The following TTC39B variants were observed in gnomAD, a reference collection of about 807,000 sequenced individuals.
The protein encoded by TTC39B is tetratricopeptide repeat domain 39B.
Under a neutral mutation model 96.6 loss-of-function variants are expected in TTC39B, and 92 were observed. That is an observed-to-expected ratio of 0.95 (90% CI 0.80 to 1.13). TTC39B has a LOEUF of 1.13. Ranked by LOEUF, TTC39B falls within the 50% of genes most tolerant of loss-of-function variation. The pLI, the probability that TTC39B is intolerant of heterozygous loss-of-function variation, is 0.00. For missense variants in TTC39B, 955 were observed against 809.3 expected (o/e 1.18, Z -2.18); for synonymous variants, 367 against 299.4 (o/e 1.23, Z -2.33).
At chr9:15,231,016 T>C (rs544310292) in intron 2 of TTC39B, among the ~76,000 whole-genome samples, 29 of 151,956 alleles carry the variant, frequency 1.9e-4, no homozygotes, top group Admixed American at 6.5e-5. Context: ...AGTTATTGTG[T>C]GGACATGTAT....
At chr9:15,174,475 T>C (rs1588834272) in intron 19 of TTC39B, among the ~76,000 whole-genome samples, 1 of 152,168 alleles carries the variant, frequency 6.6e-6, no homozygotes, top group East Asian at 1.9e-4. Context: ...AAAAATACTT[T>C]GAAACTGCCG....
intron 1 of TTC39B, among the ~76,000 whole-genome samples, chr9:15,279,796 T>C (rs1029940272): frequency 3.9e-5 from 6 of 152,024 alleles, no homozygotes; most frequent in African/African-American, 1.4e-4. Flanking sequence ...CCCAAATAGA[T>C]CAGTCTATTA....
chr9:15,166,457 G>A (rs1479969377), exon 20 of TTC39B: 4 of 152,176 alleles, frequency 2.6e-5, no homozygotes, highest in Admixed American at 1.3e-4. Context: ...AACAGTCCTT[G>A]CATCATTTCT....
At chr9:15,214,332 GTGTGTGTGTGTGTGTC>G (rs1283370933) in intron 3 of TTC39B, 83 bp from the exon 4 acceptor site, 43 of 844,248 alleles carry the variant, frequency 5.1e-5, no homozygotes, top group Middle Eastern at 2.3e-4. Flanking sequence ...GTGTGTGTGT[GTGTGTGTGTGTGTGTC>G]TGTGTGTGTG....
chr9:15,259,327 CTTGAAG>C (rs1255622074), intron 2 of TTC39B, among the ~76,000 whole-genome samples: 1 of 152,158 alleles, frequency 6.6e-6, no homozygotes, highest in African/African-American at 2.4e-5. Flanking sequence ...AAATAACCTG[CTTGAAG>C]TTGTTGGGGG....
intron 18 of TTC39B, among the ~76,000 whole-genome samples, chr9:15,175,675 C>G (rs566698861): frequency 9.1e-4 from 138 of 152,142 alleles, no homozygotes; most frequent in African/African-American, 3.1e-3. Context: ...CTTAGCTCAC[C>G]AGAACATAAG....
At chr9:15,278,582 C>G (rs1248693703) in intron 1 of TTC39B, among the ~76,000 whole-genome samples, 1 of 152,140 alleles carries the variant, frequency 6.6e-6, no homozygotes, top group Non-Finnish European at 1.5e-5. Flanking sequence ...TTGCAGGGAG[C>G]AATTTTACCC....
intron 2 of TTC39B, among the ~76,000 whole-genome samples, chr9:15,247,225 A>G (rs904856548): frequency 4.6e-5 from 7 of 152,206 alleles, no homozygotes; most frequent in African/African-American, 1.7e-4. Context: ...AATATTTTAC[A>G]TATTTGAAAG....
At chr9:15,237,847 C>T (rs1821857271) in intron 2 of TTC39B, among the ~76,000 whole-genome samples, 1 of 152,092 alleles carries the variant, frequency 6.6e-6, no homozygotes, top group African/African-American at 2.4e-5. Context: ...GAGAAAACTA[C>T]CAACCAATAT....
intron 1 of TTC39B, among the ~76,000 whole-genome samples, chr9:15,272,711 G>A (rs1344149361): frequency 6.6e-6 from 1 of 152,114 alleles, no homozygotes; most frequent in Non-Finnish European, 1.5e-5. Flanking sequence ...TATTCTTTAT[G>A]AATCTGCTTT....
At chr9:15,195,303 G>C (rs1286150785) in intron 8 of TTC39B, among the ~76,000 whole-genome samples, 1 of 152,088 alleles carries the variant, frequency 6.6e-6, no homozygotes, top group Non-Finnish European at 1.5e-5. Context: ...AGAGAGGTGA[G>C]GAAGCTGAAG....
At chr9:15,291,413 C>T (rs1824185344) in intron 1 of TTC39B, among the ~76,000 whole-genome samples, 1 of 152,202 alleles carries the variant, frequency 6.6e-6, no homozygotes, top group South Asian at 2.1e-4. Flanking sequence ...ACTTGCTCCT[C>T]CTTGCCATCT....
chr9:15,167,651 C>A (rs1394050943), exon 20 of TTC39B: 1 of 152,260 alleles, frequency 6.6e-6, no homozygotes, highest in Non-Finnish European at 1.5e-5. Flanking sequence ...ACTTGGGAGG[C>A]TGAGGCAGGA....
At chr9:15,177,167 G>A (rs1036105505) in intron 18 of TTC39B, among the ~76,000 whole-genome samples, 1 of 152,010 alleles carries the variant, frequency 6.6e-6, no homozygotes, top group Non-Finnish European at 1.5e-5. Context: ...ATAAATGTAT[G>A]AATTAAATTA....
intron 1 of TTC39B, among the ~76,000 whole-genome samples, chr9:15,295,682 T>C (rs1371353753): frequency 6.6e-6 from 1 of 152,258 alleles, no homozygotes; most frequent in African/African-American, 2.4e-5. Context: ...GTACCTTCTA[T>C]GTGTCAGGTG....
At chr9:15,253,160 C>A (rs1384583320) in intron 2 of TTC39B, among the ~76,000 whole-genome samples, 2 of 152,170 alleles carry the variant, frequency 1.3e-5, no homozygotes, top group Admixed American at 6.5e-5. Context: ...GCCTTAATAC[C>A]TATGAATGGT....
At chr9:15,175,203 A>G in intron 18 of TTC39B, 68 bp from the exon 19 acceptor site, 2 of 1,093,028 alleles carry the variant, frequency 1.8e-6, no homozygotes, top group Non-Finnish European at 2.7e-6. Flanking sequence ...CTAAATATAT[A>G]TTATTCCCAT....
chr9:15,293,512 G>A (rs916187684), intron 1 of TTC39B, among the ~76,000 whole-genome samples: 2 of 152,284 alleles, frequency 1.3e-5, no homozygotes, highest in Admixed American at 6.5e-5. Flanking sequence ...AAGCACATCA[G>A]AATGGCTGAT....
intron 2 of TTC39B, among the ~76,000 whole-genome samples, chr9:15,240,731 A>C (rs937999582): frequency 6.6e-5 from 10 of 152,194 alleles, no homozygotes; most frequent in African/African-American, 2.4e-4. Context: ...CCACATGAAG[A>C]AGTCAGAATA....
Sources: gnomAD v4.1 joint callset for allele counts (sites outside exome capture counted in the v4.1 genomes callset) on GRCh38, gnomAD v4.1.1 for gene constraint, MANE v1.5 for transcripts, NCBI Gene and HGNC (gene_info 2026-07-23, HGNC 2026-07-21) for gene names.